Variants in ABR observed in about 807,000 individuals in gnomAD.
ABR encodes the protein ABR activator of RhoGEF and GTPase.
In ABR, 35 loss-of-function variants were observed where a neutral mutation model predicts 107.2. That is an observed-to-expected ratio of 0.33 (90% confidence interval 0.25 to 0.43). The LOEUF is 0.43. Ranked by LOEUF, ABR falls within the 20% of genes least tolerant of loss-of-function variation. The pLI, the probability that ABR is intolerant of heterozygous loss-of-function variation, is 1.00. For synonymous variants in ABR, 498 were observed against 462.0 expected, an observed-to-expected ratio of 1.08 and a Z score of -1.00; for missense variants, 815 against 1,115.2, an observed-to-expected ratio of 0.73 and a Z score of 3.83.
At chr17:1,205,948 GA>G (rs374658002) in intron 1 of ABR, among the ~76,000 whole-genome samples, 10 of 143,528 alleles carry the variant, frequency 7.0e-5, no homozygotes, top group African/African-American at 1.3e-4. Flanking sequence ...CTCGAAAAAA[GA>G]AAAAAAAAAT....
chr17:1,067,268 G>A (rs778136950), intron 9 of ABR, 26 bp from the exon 10 acceptor site: 5 of 1,541,438 alleles, frequency 3.2e-6, no homozygotes, highest in Admixed American at 2.0e-5. Context: ...AGGGAGCCAT[G>A]AGCCAGAGGG....
chr17:1,042,713 T>C (rs1254841780), intron 16 of ABR, among the ~76,000 whole-genome samples: 1 of 146,328 alleles, frequency 6.8e-6, no homozygotes, highest in Non-Finnish European at 1.5e-5. Flanking sequence ...CATCCACGGA[T>C]GGATGGATGG....
chr17:1,017,343 G>A (rs77300118), intron 16 of ABR, among the ~76,000 whole-genome samples: 4,094 of 152,052 alleles, frequency 0.027, 126 homozygotes, highest in East Asian at 0.12. Context: ...ACACGGAGCC[G>A]GGCCTGGGTC....
rs1338393146 is a variant in ABR at position 1,078,069 on chromosome 17, A to C, written c.700+1261T>G. ...GCCCCCAGCCAGCTGCGGGAGCTGC[A>C]AGGAGGATGGTCCGGGTCCCTTCCA... On this transcript the variant is annotated intron_variant, in intron 6 of 22. Transcript: ENST00000302538. This position sits in a 1 kb window ranked among gnomAD's most constrained non-coding sequence, Gnocchi z 7.5. Among the ~76,000 whole-genome samples the C allele has an allele frequency of 6.6e-6, 1 of 151,814 alleles. No homozygotes were observed. Among genetic ancestry groups the C allele is most frequent in the Non-Finnish European group, 1.5e-5 (1 of 67,962 alleles).
At chr17:1,024,198 T>C (rs879360643) in intron 16 of ABR, among the ~76,000 whole-genome samples, 1 of 152,110 alleles carries the variant, frequency 6.6e-6, no homozygotes, top group Non-Finnish European at 1.5e-5. Context: ...TCCCAGGCCT[T>C]GCCTTGCTCC....
Position 1,012,756 on chromosome 17 carries a change from C to T in ABR, c.1893G>A (p.Met631Ile), listed in dbSNP as rs1179049036. ...EFSMKFTSRDMSLKRTPSKKQ... is the reference protein window; with the variant it reads ...EFSMKFTSRDISLKRTPSKKQ... ...TTTTGGACGGGGTCCTCTTCAGGCT[C>T]ATATCTCGGCTGGTGAATTTCATGG... is the stretch of plus-strand genomic sequence containing the variant. Residue 631 changes from methionine to isoleucine, a missense_variant, in exon 18 of 23, where the codon ATG becomes ATA. Met to Ile is a conservative substitution (Grantham distance 10). Transcript: ENST00000302538. The T allele has an allele frequency of 3.8e-6, 6 of 1,597,904 alleles. No homozygotes were observed. The highest frequency in any genetic ancestry group is 4.3e-6 in the Non-Finnish European group (5 of 1,171,562).
chr17:1,151,138 A>G (rs1172968357), intron 1 of ABR, among the ~76,000 whole-genome samples: 1 of 152,150 alleles, frequency 6.6e-6, no homozygotes, highest in Non-Finnish European at 1.5e-5. Context: ...GAGTAACAGT[A>G]GCACCCAAGT....
chr17:1,215,003 T>G (rs1436735288), intron 1 of ABR, among the ~76,000 whole-genome samples: 1 of 151,910 alleles, frequency 6.6e-6, no homozygotes, highest in African/African-American at 2.4e-5. Flanking sequence ...GCAGATTGCT[T>G]GAGTCCAGGT....
chr17:1,114,512 C>T (rs2038892164), intron 2 of ABR, among the ~76,000 whole-genome samples: 1 of 151,160 alleles, frequency 6.6e-6, no homozygotes, highest in Admixed American at 6.6e-5. Flanking sequence ...GTGGCTCACA[C>T]CTGTAATCCC....
At chr17:1,033,619 C>A (rs1303718853) in intron 16 of ABR, among the ~76,000 whole-genome samples, 1 of 152,220 alleles carries the variant, frequency 6.6e-6, no homozygotes, top group Admixed American at 6.5e-5. Flanking sequence ...TCAGTCTTCA[C>A]TGTCCCTGCA....
chr17:1,014,384 T>G (rs562926755), intron 16 of ABR, among the ~76,000 whole-genome samples: 2 of 139,692 alleles, frequency 1.4e-5, no homozygotes, highest in South Asian at 4.9e-4. Context: ...GAGCTTGCAG[T>G]GAGCCGAGAT....
chr17:1,134,900 C>T (rs967922520), intron 1 of ABR, among the ~76,000 whole-genome samples: 4 of 152,248 alleles, frequency 2.6e-5, no homozygotes, highest in African/African-American at 4.8e-5. Flanking sequence ...TTAGCAAATC[C>T]GTGTGAAACG....
chr17:1,144,768 C>T (rs2040462127), intron 1 of ABR, among the ~76,000 whole-genome samples: 1 of 152,104 alleles, frequency 6.6e-6, no homozygotes, highest in African/African-American at 2.4e-5. Context: ...GTGGCTTCTG[C>T]CTGTAATCCC....
In ABR at chr17:1,066,531, C is replaced by CT. The variant is rs112876947; in HGVS notation, c.1182+545dup. Reference sequence around the variant, plus strand: ...CTTCTCTTGCTTCCCTCTACCTCCACTTTTTTTTTTTGTTTTTGACAGAAT... The same window carrying CT: ...CTTCTCTTGCTTCCCTCTACCTCCACTTTTTTTTTTTTGTTTTTGACAGAAT... On this transcript the variant is annotated intron_variant, in intron 10 of 22. Coordinates refer to ENST00000302538, the MANE Select transcript of ABR (RefSeq NM_021962.5). Among the ~76,000 whole-genome samples the CT allele has an allele frequency of 5.1e-3, 749 of 146,260 alleles. 7 individuals carry two copies. The highest frequency in any genetic ancestry group is 0.012 in the African/African-American group (501 of 40,272).
At chr17:1,206,779 C>T (rs1425607335) in intron 1 of ABR, among the ~76,000 whole-genome samples, 3 of 151,986 alleles carry the variant, frequency 2.0e-5, no homozygotes, top group African/African-American at 7.3e-5. Context: ...GAAACTCCAT[C>T]TCTACAAAAA....
At chr17:1,090,334 C>T (rs1169746175) in intron 4 of ABR, among the ~76,000 whole-genome samples, 1 of 151,190 alleles carries the variant, frequency 6.6e-6, no homozygotes, top group Non-Finnish European at 1.5e-5. Context: ...ATCCGAGGGC[C>T]GTGGGGATCC....
chr17:1,118,518 G>T (rs1367071719), intron 2 of ABR, among the ~76,000 whole-genome samples: 4 of 8,878 alleles, frequency 4.5e-4, no homozygotes, highest in Admixed American at 1.6e-3. Flanking sequence ...TCCTCCCAGC[G>T]TTATCCCTGA....
Position 1,058,732 on chromosome 17 carries a change from C to G in ABR, c.1305+13G>C. On this transcript the variant is annotated intron_variant, in intron 11 of 22. Transcript: ENST00000302538. ...GAAGGGGCTGTCTTGGTCCCACCCC[C>G]ACCCATCCTGACCTTTCCATTCCGA... 5.0e-6 allele frequency: 8 copies of G among 1,613,738 alleles called. No homozygotes were observed. The highest frequency in any genetic ancestry group is 6.8e-6 in the Non-Finnish European group (8 of 1,179,830).
At chr17:1,215,715 G>T (rs1350167416) in intron 1 of ABR, among the ~76,000 whole-genome samples, 1 of 152,100 alleles carries the variant, frequency 6.6e-6, no homozygotes, top group Non-Finnish European at 1.5e-5. Context: ...GATGACGATG[G>T]CGGTTTTGTC....
Sources: allele counts gnomAD v4.1 joint callset (sites outside exome capture counted in the v4.1 genomes callset), GRCh38; gene constraint gnomAD v4.1.1; non-coding constraint Gnocchi (gnomAD v3.1); transcripts MANE v1.5; gene names NCBI Gene and HGNC (gene_info 2026-07-23, HGNC 2026-07-21).